The following GPHN variants were observed in gnomAD, a reference collection of about 807,000 sequenced individuals.
GPHN encodes the protein gephyrin.
In GPHN, 17 loss-of-function variants were observed where a neutral mutation model predicts 95.5. The observed-to-expected ratio is 0.18, with a 90% CI of 0.12 to 0.27. The LOEUF is 0.27. Ranked by LOEUF, GPHN falls within the 10% of genes least tolerant of loss-of-function variation. GPHN has a pLI of 1.00. For synonymous variants in GPHN, 320 were observed against 322.5 expected (o/e 0.99, Z 0.08); for missense variants, 660 against 978.1 (o/e 0.67, Z 4.34).
chr14:67,227,687 G>C, the GPHN span: 1 of 151,976 alleles, frequency 6.6e-6, no homozygotes, highest in South Asian at 2.1e-4. Context: ...CCAAATCTTA[G>C]GACTCAGTAC....
At chr14:67,259,231 T>C in the GPHN span, among the ~76,000 whole-genome samples, 3 of 152,076 alleles carry the variant, frequency 2.0e-5, no homozygotes, top group Admixed American at 6.5e-5. Flanking sequence ...TTTCTATACA[T>C]GTATACCCTG....
chr14:67,581,019 A>G, the GPHN span: 4 of 1,611,252 alleles, frequency 2.5e-6, no homozygotes, highest in South Asian at 4.4e-5. Flanking sequence ...ACGCGTCGTG[A>G]AGCTGATGTA....
the GPHN span, chr14:67,593,712 G>A: frequency 7.4e-7 from 1 of 1,346,902 alleles, no homozygotes; most frequent in Non-Finnish European, 1.1e-6. Context: ...CCTCCAGAGA[G>A]GCCTGTAATA....
At chr14:66,511,249 T>TA (rs1179500431) in intron 1 of GPHN, among the ~76,000 whole-genome samples, 4 of 152,178 alleles carry the variant, frequency 2.6e-5, no homozygotes, top group African/African-American at 9.6e-5. Context: ...TTGTGTATTC[T>TA]AGAACTTGAG....
intron 10 of GPHN, among the ~76,000 whole-genome samples, chr14:67,035,605 A>C (rs183458869): frequency 6.6e-6 from 1 of 152,050 alleles, no homozygotes; most frequent in Admixed American, 6.5e-5. Context: ...ATTATATGCC[A>C]ACAAATTGAA....
chr14:67,585,628 G>A, the GPHN span: 8 of 1,578,074 alleles, frequency 5.1e-6, no homozygotes, highest in African/African-American at 2.7e-5. Context: ...TGAGGATGGC[G>A]TCAGCATCCT....
intron 9 of GPHN, among the ~76,000 whole-genome samples, chr14:67,012,366 G>GCCTT (rs1653633862): frequency 6.6e-6 from 1 of 152,014 alleles, no homozygotes; most frequent in Non-Finnish European, 1.5e-5. Context: ...TTTAAGAGAT[G>GCCTT]CCTTCATTGA....
the GPHN span, among the ~76,000 whole-genome samples, chr14:67,409,863 C>A: frequency 6.6e-6 from 1 of 152,178 alleles, no homozygotes; most frequent in Non-Finnish European, 1.5e-5. Context: ...CTATTGCCAT[C>A]TAAGAGTAGA....
chr14:67,463,469 C>A, the GPHN span, among the ~76,000 whole-genome samples: 1 of 151,930 alleles, frequency 6.6e-6, no homozygotes, highest in South Asian at 2.1e-4. Flanking sequence ...GAAACCTTGT[C>A]TCTACTAAAA....
chr14:66,749,115 C>CT (rs2058272776), intron 2 of GPHN, among the ~76,000 whole-genome samples: 1 of 151,834 alleles, frequency 6.6e-6, no homozygotes, highest in African/African-American at 2.4e-5. Context: ...AGTGTGTGTC[C>CT]TTTTCAGATA....
chr14:67,113,019 C>G lies in GPHN; in HGVS notation c.1474C>G (p.Pro492Ala). ...VQARPGQDIR[P>A]IGHDIKRGEC... is the part of the protein sequence containing the mutation. ...TTATGGTTCTGCTTTGACTTTCAGA[C>G]CCATCGGCCATGACATTAAAAGAGG... The change falls in exon 16 of 23, where the codon CCC (proline) becomes GCC (alanine). Residue 492 changes from proline to alanine, a missense_variant and splice_region_variant. By Grantham distance (27) the Pro-to-Ala change is conservative. Around this residue, in one of 6 missense-constraint regions of GPHN, gnomAD observed 257 missense variants for 376.2 expected, o/e 0.68. Coordinates refer to ENST00000478722, the MANE Select transcript of GPHN (RefSeq NM_020806.5). 6.2e-7 allele frequency: 1 copy of G among 1,613,390 alleles called. No homozygotes were observed. The highest frequency in any genetic ancestry group is 1.1e-5 in the South Asian group (1 of 91,066).
the GPHN span, chr14:67,279,773 A>T: frequency 5.0e-6 from 2 of 400,590 alleles, no homozygotes; most frequent in Non-Finnish European, 8.7e-6. Context: ...TTTAGATATT[A>T]AAGAGTTCTG....
the GPHN span, among the ~76,000 whole-genome samples, chr14:67,221,502 T>C: frequency 3.3e-5 from 5 of 152,166 alleles, no homozygotes; most frequent in African/African-American, 1.2e-4. Flanking sequence ...CCCTATGGAG[T>C]GACTGGCAAT....
At chr14:67,380,689 G>A in the GPHN span, 37 of 1,581,062 alleles carry the variant, frequency 2.3e-5, no homozygotes, top group African/African-American at 4.7e-4. Flanking sequence ...GTTTAGATTT[G>A]AATGAAGATG....
chr14:67,733,671 T>C, the GPHN span: 11 of 965,916 alleles, frequency 1.1e-5, no homozygotes, highest in African/African-American at 1.8e-4. Context: ...AGAAACATTC[T>C]GAGAAAGGGA....
intron 2 of GPHN, among the ~76,000 whole-genome samples, chr14:66,693,254 G>T (rs1396940866): frequency 6.6e-6 from 1 of 152,018 alleles, no homozygotes; most frequent in African/African-American, 2.4e-5. Flanking sequence ...GGAAAATTAT[G>T]CTTGGAACAA....
Position 66,842,167 on chromosome 14 carries a change from CAT to C in GPHN, c.294+17605_294+17606del, listed in dbSNP as rs2062124031. ...GAAATATTATTTTTGGAGTCATCAACATATAAATGGAATTAAAATCCATCACA... is the reference window on the plus strand; with the variant it reads ...GAAATATTATTTTTGGAGTCATCAACATAAATGGAATTAAAATCCATCACA... On this transcript the variant is annotated intron_variant, in intron 4 of 22. Coordinates refer to ENST00000478722, the MANE Select transcript of GPHN (RefSeq NM_020806.5). Among the ~76,000 whole-genome samples the C allele has an allele frequency of 3.3e-5, 5 of 150,804 alleles. No individual in the cohort carries two copies. In the South Asian group the frequency reaches 1.0e-3, roughly 32 times the overall value.
intron 1 of GPHN, among the ~76,000 whole-genome samples, chr14:66,629,143 A>C (rs1256824655): frequency 8.2e-6 from 1 of 122,656 alleles, no homozygotes; most frequent in Non-Finnish European, 1.7e-5. Flanking sequence ...ATATATATTT[A>C]TATACATATA....
chr14:66,648,240 C>T (rs913849674), intron 1 of GPHN, among the ~76,000 whole-genome samples: 2 of 152,022 alleles, frequency 1.3e-5, no homozygotes, highest in African/African-American at 4.8e-5. Context: ...ATAAAGATTA[C>T]AATATTTGCT....
Sources: allele counts gnomAD v4.1 joint callset (sites outside exome capture counted in the v4.1 genomes callset), GRCh38; gene constraint gnomAD v4.1.1; regional missense constraint gnomAD v4.1.1; transcripts MANE v1.5; gene names NCBI Gene and HGNC (gene_info 2026-07-23, HGNC 2026-07-21).